Variants in FHOD3 observed in about 807,000 individuals in gnomAD.
FHOD3 encodes FH1/FH2 domain-containing protein 3.
In FHOD3, 90 loss-of-function variants were observed where a neutral mutation model predicts 173.0. The observed-to-expected ratio is 0.52, with a 90% CI of 0.44 to 0.62. The LOEUF (loss-of-function observed/expected upper bound fraction) is 0.62. Among genes scored for constraint, FHOD3 ranks in the 20% least tolerant of loss-of-function variants. The probability of loss-of-function intolerance (pLI) is 0.00; values close to 1 mark genes in which losing one functional copy is unlikely to be tolerated. For synonymous variants in FHOD3, 828 were observed against 823.0 expected, an observed-to-expected ratio of 1.01 and a Z score of -0.10; for missense variants, 1,945 against 2,034.7, an observed-to-expected ratio of 0.96 and a Z score of 0.85.
intron 5 of FHOD3, among the ~76,000 whole-genome samples, chr18:36,547,219 G>A (rs1451774491): frequency 6.6e-6 from 1 of 152,176 alleles, no homozygotes; most frequent in African/African-American, 2.4e-5. Flanking sequence ...AGGCCGGCCT[G>A]TTCCTAGGTG....
At chr18:36,540,977 G>A (rs139784883) in intron 5 of FHOD3, among the ~76,000 whole-genome samples, 9,985 of 152,238 alleles carry the variant, frequency 0.066, 524 homozygotes, top group South Asian at 0.22. Context: ...TGGGCTGGGC[G>A]TGGTGGCTCA....
At position 36,479,067 on chromosome 18, in the gene FHOD3, G is replaced by A. The variant is rs368263040; in HGVS notation, c.338-22865G>A. On this transcript the variant is annotated intron_variant, in intron 3 of 28. Coordinates refer to ENST00000590592, the MANE Select transcript of FHOD3 (RefSeq NM_001281740.3). ...ATGCCAGGTTCTTTTGCATCTCTTC[G>A]CTTCCTGCGTGTCCCTTTCCAGTGG... Among the ~76,000 whole-genome samples the A allele has an allele frequency of 5.3e-5, 8 of 152,114 alleles. No individual in the cohort carries two copies. In the East Asian group the frequency reaches 1.3e-3, roughly 26 times the overall value.
chr18:36,462,871 C>T (rs2144780266), intron 3 of FHOD3, among the ~76,000 whole-genome samples: 1 of 152,294 alleles, frequency 6.6e-6, no homozygotes, highest in South Asian at 2.1e-4. Context: ...AGTGATCTGA[C>T]TGCCTTGACC....
At chr18:36,563,977 A>T (rs2058177233) in intron 5 of FHOD3, among the ~76,000 whole-genome samples, 1 of 152,110 alleles carries the variant, frequency 6.6e-6, no homozygotes, top group South Asian at 2.1e-4. Flanking sequence ...CAGGGATGTC[A>T]GTCAGGGACA....
rs77412081 is a variant in FHOD3, at chr18:36,420,196, G to A, written c.337+47452G>A. On this transcript the variant is annotated intron_variant, in intron 3 of 28. Coordinates refer to ENST00000590592, the MANE Select transcript of FHOD3 (RefSeq NM_001281740.3). ...CACTCTCTCGGGCCTCTGTGACAGC[G>A]CCAGGCACATGTCACTGTTGAATTA... 3.2e-3 allele frequency among the ~76,000 whole-genome samples: 485 copies of A among 152,270 alleles called. 2 individuals carry two copies. The highest frequency in any genetic ancestry group is 0.011 in the African/African-American group (457 of 41,536).
At chr18:36,326,190 C>G (rs1184163166) in intron 1 of FHOD3, among the ~76,000 whole-genome samples, 1 of 152,192 alleles carries the variant, frequency 6.6e-6, no homozygotes, top group Admixed American at 6.5e-5. Context: ...AAAGAAATAA[C>G]AAGAAACCAT....
intron 5 of FHOD3, among the ~76,000 whole-genome samples, chr18:36,553,282 T>G (rs2057737613): frequency 6.6e-6 from 1 of 152,210 alleles, no homozygotes; most frequent in Non-Finnish European, 1.5e-5. Context: ...AAAATTCTCT[T>G]TTTTGGTTGT....
At chr18:36,377,532 C>G (rs554555784) in intron 3 of FHOD3, among the ~76,000 whole-genome samples, 1 of 152,160 alleles carries the variant, frequency 6.6e-6, no homozygotes, top group South Asian at 2.1e-4. Context: ...AGCAAATTGT[C>G]TTTTTGACAC....
chr18:36,667,556 A>G (rs1285964367), intron 14 of FHOD3, among the ~76,000 whole-genome samples: 1 of 152,180 alleles, frequency 6.6e-6, no homozygotes, highest in Non-Finnish European at 1.5e-5. Context: ...AACTGTACCA[A>G]ATACTGTAGG....
At chr18:36,464,800 A>T (rs1405824045) in intron 3 of FHOD3, among the ~76,000 whole-genome samples, 1 of 151,028 alleles carries the variant, frequency 6.6e-6, no homozygotes, top group African/African-American at 2.4e-5. Flanking sequence ...AAGAACAAAG[A>T]CTCATCTTTC....
At chr18:36,369,759 AGT>A in intron 2 of FHOD3, among the ~76,000 whole-genome samples, 1 of 152,130 alleles carries the variant, frequency 6.6e-6, no homozygotes, top group Middle Eastern at 3.4e-3. Context: ...TTAGATTTTC[AGT>A]GTGTCTTTTT....
intron 3 of FHOD3, among the ~76,000 whole-genome samples, chr18:36,445,253 C>T (rs2051400111): frequency 6.6e-6 from 1 of 152,140 alleles, no homozygotes; most frequent in African/African-American, 2.4e-5. Flanking sequence ...ATAGTTAATC[C>T]ATACCTTTCC....
At chr18:36,609,631 A>G (rs1311726972) in intron 8 of FHOD3, among the ~76,000 whole-genome samples, 1 of 133,386 alleles carries the variant, frequency 7.5e-6, no homozygotes, top group African/African-American at 2.9e-5. Context: ...TTTTTTTGAG[A>G]CAGAGTCTTG....
chr18:36,594,705 G>T, intron 6 of FHOD3, 82 bp from the exon 7 acceptor site: 1 of 868,540 alleles, frequency 1.2e-6, no homozygotes, highest in Non-Finnish European at 1.9e-6. Flanking sequence ...GAAGTGCTGG[G>T]TGCCCGCTGC....
At chr18:36,728,606 A>T (rs11662488) in intron 19 of FHOD3, among the ~76,000 whole-genome samples, 4 of 150,774 alleles carry the variant, frequency 2.7e-5, no homozygotes, top group Non-Finnish European at 4.4e-5. Flanking sequence ...TTTTTTTTTT[A>T]AATGAAGAAG....
chr18:36,596,321 A>ATTTTTTTTTT (rs539907617), intron 7 of FHOD3, among the ~76,000 whole-genome samples: 29 of 57,498 alleles, frequency 5.0e-4, no homozygotes, highest in African/African-American at 7.0e-4. Flanking sequence ...TGCCCAGCTA[A>ATTTTTTTTTT]TTTTTTTTTT....
chr18:36,582,652 T>C (rs886612872), intron 6 of FHOD3, among the ~76,000 whole-genome samples: 2 of 152,240 alleles, frequency 1.3e-5, no homozygotes, highest in Non-Finnish European at 2.9e-5. Flanking sequence ...ACTTGATGGC[T>C]GCTACAGATA....
At chr18:36,444,737 C>T (rs572237634) in intron 3 of FHOD3, among the ~76,000 whole-genome samples, 27 of 152,002 alleles carry the variant, frequency 1.8e-4, no homozygotes, top group African/African-American at 4.8e-4. Context: ...TTTAACATCC[C>T]GGAAATCACT....
Position 36,335,222 on chromosome 18 carries a change from G to A in FHOD3, c.166-20317G>A, listed in dbSNP as rs536741944. Reference sequence around the variant, plus strand: ...AAAACAAAAAAAAACTTGGCCGGGCGCGGTGGCTCACGCCTGTAATCCCAG... The same window carrying A: ...AAAACAAAAAAAAACTTGGCCGGGCACGGTGGCTCACGCCTGTAATCCCAG... On this transcript the variant is annotated intron_variant, in intron 1 of 28. Transcript: ENST00000590592. 8.5e-5 allele frequency among the ~76,000 whole-genome samples: 13 copies of A among 152,284 alleles called. 1 individual carries two copies. Among genetic ancestry groups the A allele is most frequent in the African/African-American group, 1.4e-4 (6 of 41,564 alleles).
Sources: gnomAD v4.1 joint callset for allele counts (sites outside exome capture counted in the v4.1 genomes callset) on GRCh38, gnomAD v4.1.1 for gene constraint, MANE v1.5 for transcripts, NCBI Gene and HGNC (gene_info 2026-07-23, HGNC 2026-07-21) for gene names.